Variants in IBTK observed in about 807,000 individuals in gnomAD.
IBTK encodes the protein inhibitor of Bruton tyrosine kinase.
Under a neutral mutation model 154.9 loss-of-function variants are expected in IBTK, and 83 were observed. The ratio of observed to expected loss-of-function variants is 0.54; its 90% CI spans 0.45 to 0.64. The LOEUF (loss-of-function observed/expected upper bound fraction) is 0.64, where lower values mean the gene tolerates loss of function less well. IBTK is among the 30% of genes least tolerant of loss of function. The pLI, the probability that IBTK is intolerant of heterozygous loss-of-function variation, is 0.00. For missense variants in IBTK, 1,332 were observed against 1,584.6 expected (o/e 0.84, Z 2.71); for synonymous variants, 515 against 536.1 (o/e 0.96, Z 0.54).
chr6:82,238,523 C>T (rs1354370907), intron 2 of IBTK, among the ~76,000 whole-genome samples: 3 of 151,958 alleles, frequency 2.0e-5, no homozygotes, highest in African/African-American at 2.4e-5. Flanking sequence ...CAGCAACCGC[C>T]GCCTCCTGGG....
chr6:82,202,730 C>G, intron 17 of IBTK, 85 bp from the exon 18 acceptor site: 1 of 690,814 alleles, frequency 1.4e-6, no homozygotes, highest in Non-Finnish European at 2.4e-6. Flanking sequence ...TAAAGCTGTA[C>G]GATTTGAACA....
chr6:82,211,592 T>G lies in IBTK; in HGVS notation c.2292-20A>C, dbSNP rs1769645349. On this transcript the variant is annotated intron_variant, in intron 13 of 28. Coordinates refer to ENST00000306270, the MANE Select transcript of IBTK (RefSeq NM_015525.4). ...AATGAACTGCAAGAAAATGTTTAAT[T>G]GAAGCAAGAGCAATTTCTTTACATA... The G allele has an allele frequency of 2.5e-6, 4 of 1,582,546 alleles. No individual in the cohort carries two copies. The highest frequency in any genetic ancestry group is 3.5e-6 in the Non-Finnish European group (4 of 1,151,788).
intron 3 of IBTK, among the ~76,000 whole-genome samples, chr6:82,233,328 A>G (rs890568600): frequency 6.6e-6 from 1 of 152,102 alleles, no homozygotes; most frequent in Non-Finnish European, 1.5e-5. Context: ...CCCTATCTCA[A>G]CAACAACCAC....
intron 4 of IBTK, among the ~76,000 whole-genome samples, chr6:82,228,964 G>A (rs137938984): frequency 3.9e-4 from 60 of 152,050 alleles, no homozygotes; most frequent in East Asian, 3.1e-3. Flanking sequence ...ATGGATTTTC[G>A]CTTTTAATTA....
Position 82,224,119 on chromosome 6 carries a change from G to T in IBTK, c.892C>A (p.Leu298Ile). Residue 298 changes from leucine to isoleucine, a missense_variant, in exon 7 of 29, where the codon CTA becomes ATA. By Grantham distance (5) the Leu-to-Ile change is conservative (BLOSUM62 2). Around this residue, in one of 3 missense-constraint regions of IBTK, gnomAD observed 1,134 missense variants for 1,274.7 expected, o/e 0.89. Transcript: ENST00000306270. ...GTGTAAACAGCTTCTCTAGTCCATA[G>T]GACTGTATGAAACCTGCCTGCTGCA... ...GVAAGRFHTV[L>I]WTREAVYTMG... 1.9e-6 allele frequency: 3 copies of T among 1,613,788 alleles called. No homozygotes were observed. The highest frequency in any genetic ancestry group is 2.5e-6 in the Non-Finnish European group (3 of 1,179,720).
intron 11 of IBTK, 41 bp from the exon 12 acceptor site, chr6:82,214,870 G>T: frequency 6.6e-7 from 1 of 1,508,850 alleles, no homozygotes; most frequent in East Asian, 2.3e-5. Context: ...CAAAAAATAT[G>T]AAGGAAATCC....
intron 2 of IBTK, 86 bp downstream of exon 2, chr6:82,240,080 T>C (rs991815308): frequency 1.8e-6 from 2 of 1,137,356 alleles, no homozygotes; most frequent in Admixed American, 2.4e-5. Flanking sequence ...GCAAATATTT[T>C]CCAAAAAGCA....
Position 82,173,381 on chromosome 6 carries a change from A to G in IBTK, c.3783T>C (p.Leu1261=). 6.2e-7 allele frequency: 1 copy of G among 1,613,100 alleles called. No homozygotes were observed. The highest frequency in any genetic ancestry group is 8.5e-7 in the Non-Finnish European group (1 of 1,179,198). ...PEGNHISDLP[L]LDSPNPWLSS... ...ATTAACCTTACTTGGGACTGTCTAGAAGTGGTAAATCTGAAATATGGTTGC... is the reference window on the plus strand; with the variant it reads ...ATTAACCTTACTTGGGACTGTCTAGGAGTGGTAAATCTGAAATATGGTTGC... Residue 1261 remains leucine (L), a synonymous_variant, in exon 27 of 29, where the codon CTT becomes CTC. Transcript: ENST00000306270.
rs1383671329 is a variant in IBTK, at chr6:82,237,538, A to AAGT, written c.321+2625_321+2627dup. Among the ~76,000 whole-genome samples the AAGT allele has an allele frequency of 5.6e-5, 8 of 143,188 alleles. No individual in the cohort carries two copies. The South Asian group carries it at 7.1e-4, about 13-fold the overall frequency. The allele number at this position is 143,188 out of a possible 152,430, so 93.9% of individuals were successfully genotyped here. On this transcript the variant is annotated intron_variant, in intron 2 of 28. Transcript: ENST00000306270. ...AATAATTTGTCCACGATGATTCACT[A>AAGT]AGTAGTAGTAGTAGCAGCAGCAGCA...
At chr6:82,240,968 ACTGGAACACT>A (rs1770925824) in intron 1 of IBTK, 125 bp from the exon 2 acceptor site, 1 of 395,232 alleles carries the variant, frequency 2.5e-6, no homozygotes, top group African/African-American at 2.1e-5. Flanking sequence ...GTGTTCCATT[ACTGGAACACT>A]AAGCTTACGG....
At chr6:82,192,929 C>T (rs1768828233) in intron 23 of IBTK, among the ~76,000 whole-genome samples, 1 of 151,624 alleles carries the variant, frequency 6.6e-6, no homozygotes. Flanking sequence ...GAACCCTCAT[C>T]TCTACTAAAA....
chr6:82,206,637 G>A (rs1156601506), intron 16 of IBTK, among the ~76,000 whole-genome samples: 1 of 151,846 alleles, frequency 6.6e-6, no homozygotes, highest in East Asian at 1.9e-4. Context: ...AAACAGACAG[G>A]GACATCACAG....
At chr6:82,191,261 T>A in intron 24 of IBTK, 45 bp from the exon 25 acceptor site, 1 of 1,471,698 alleles carries the variant, frequency 6.8e-7, no homozygotes, top group Non-Finnish European at 9.3e-7. Flanking sequence ...TCTGACAAAG[T>A]TTAATTCCAT....
At chr6:82,206,608 A>G (rs1379136327) in intron 16 of IBTK, among the ~76,000 whole-genome samples, 1 of 152,176 alleles carries the variant, frequency 6.6e-6, no homozygotes. Context: ...CAAGGAGGCC[A>G]ATATTATGCT....
At position 82,218,154 on chromosome 6, in the gene IBTK, T is replaced by C; in HGVS notation, c.1249-17A>G. On this transcript the variant is annotated splice_polypyrimidine_tract_variant and intron_variant, in intron 9 of 28. Transcript: ENST00000306270. The stretch of plus-strand genomic sequence containing the variant: ...GCAAAACACCTAAAACAAAACCAAA[T>C]CACATTGAAATATAAAGCAAGTAGC... The C allele has an allele frequency of 6.6e-7, 1 of 1,507,402 alleles. No homozygotes were observed. The highest frequency in any genetic ancestry group is 1.4e-5 in the African/African-American group (1 of 70,766). The allele number at this position is 1,507,402 out of a possible 1,614,324, so 93.4% of individuals were successfully genotyped here.
chr6:82,220,492 G>T, intron 9 of IBTK, 98 bp downstream of exon 9: 2 of 1,235,286 alleles, frequency 1.6e-6, no homozygotes, highest in South Asian at 1.8e-5. Context: ...AAGTCAATAG[G>T]AATTGTCACT....
intron 1 of IBTK, among the ~76,000 whole-genome samples, chr6:82,247,254 C>T (rs1473574574): frequency 1.3e-5 from 2 of 152,256 alleles, no homozygotes; most frequent in Admixed American, 6.5e-5. Flanking sequence ...AGTGACACTA[C>T]ATAACTATCA....
intron 19 of IBTK, among the ~76,000 whole-genome samples, chr6:82,201,042 C>T (rs956284532): frequency 6.6e-6 from 1 of 151,812 alleles, no homozygotes; most frequent in African/African-American, 2.4e-5. Flanking sequence ...AACTTTATTC[C>T]ATAAACCTGC....
chr6:82,224,015 T>C, intron 7 of IBTK, 53 bp downstream of exon 7: 1 of 978,890 alleles, frequency 1.0e-6, no homozygotes, highest in Admixed American at 2.2e-5. Context: ...GAAAAGATAA[T>C]TTTTTAAAGA....
Sources: allele counts gnomAD v4.1 joint callset (sites outside exome capture counted in the v4.1 genomes callset), GRCh38; gene constraint gnomAD v4.1.1; regional missense constraint gnomAD v4.1.1; transcripts MANE v1.5; gene names NCBI Gene and HGNC (gene_info 2026-07-23, HGNC 2026-07-21).